The following CCDC81 variants were observed in gnomAD, a reference collection of about 807,000 sequenced individuals.
The protein encoded by CCDC81 is coiled-coil domain containing 81, also known as coiled-coil domain-containing protein 81.
In CCDC81, 79 loss-of-function variants were observed where a neutral mutation model predicts 83.7. The ratio of observed to expected loss-of-function variants is 0.94; its 90% CI spans 0.79 to 1.14. The LOEUF is 1.14. Ranked by LOEUF, CCDC81 falls within the 50% of genes most tolerant of loss-of-function variation. The probability of loss-of-function intolerance (pLI) is 0.00; values close to 1 mark genes in which losing one functional copy is unlikely to be tolerated. For synonymous variants in CCDC81, 252 were observed against 278.1 expected (o/e 0.91, Z 0.93); for missense variants, 791 against 778.1 (o/e 1.02, Z -0.20).
In CCDC81 at chr11:86,415,143, G is replaced by C. The variant is rs773100251; in HGVS notation, c.1521G>C (p.Glu507Asp). Residue 507 changes from glutamate (E) to aspartate (D), a missense_variant, in exon 13 of 15, where the codon GAG (glutamate) becomes GAC (aspartate). Coordinates refer to ENST00000445632, the MANE Select transcript of CCDC81 (RefSeq NM_001156474.2). ...RLPPFEPDSS[E>D]PIFGKNEGEL... is the part of the protein sequence containing the mutation. The stretch of plus-strand genomic sequence containing the variant: ...CCCCCTTTGAGCCAGACTCCTCTGA[G>C]CCCATCTTTGGTAAGAATGAGGGTG... 28 of 1,614,070 alleles carry C rather than the reference G, an allele frequency of 1.7e-5. No individual in the cohort carries two copies. The highest frequency in any genetic ancestry group is 2.3e-5 in the Non-Finnish European group (27 of 1,180,040).
At position 86,408,144 on chromosome 11, in the gene CCDC81, T is replaced by C. The variant is rs769859538; in HGVS notation, c.987T>C (p.Cys329=). The C allele has an allele frequency of 1.9e-5, 31 of 1,612,380 alleles. No individual in the cohort carries two copies. The highest frequency in any genetic ancestry group is 2.5e-5 in the Non-Finnish European group (30 of 1,179,728). ...NKAGQEMCYV[C]LQRAQRNSLL... is the part of the protein sequence containing the mutation. ...GATTGTAGGAAATGTGCTATGTATG[T>C]TTGCAACGAGCACAACGAAATTCCC... The change falls in exon 9 of 15, where the codon TGT becomes TGC. Residue 329 remains cysteine (C), a synonymous_variant. Coordinates refer to ENST00000445632, the MANE Select transcript of CCDC81 (RefSeq NM_001156474.2).
At chr11:86,392,867 T>A in intron 4 of CCDC81, 70 bp downstream of exon 4, 1 of 1,463,488 alleles carries the variant, frequency 6.8e-7, no homozygotes, top group East Asian at 2.5e-5. Context: ...AGGTGTGTTG[T>A]AATTAAGAAA....
At chr11:86,378,201 G>C (rs1350865425) in intron 1 of CCDC81, among the ~76,000 whole-genome samples, 1 of 151,678 alleles carries the variant, frequency 6.6e-6, no homozygotes, top group Admixed American at 6.6e-5. Flanking sequence ...CTTGAAGTTG[G>C]GTAGTGACAG....
At chr11:86,415,456 G>A (rs1365515805) in intron 13 of CCDC81, 143 bp downstream of exon 13, 12 of 650,988 alleles carry the variant, frequency 1.8e-5, no homozygotes, top group Non-Finnish European at 2.7e-5. Flanking sequence ...ACACTGAGGA[G>A]TTATTTGTGC....
chr11:86,420,634 T>C (rs189916327), intron 14 of CCDC81, among the ~76,000 whole-genome samples: 260 of 152,362 alleles, frequency 1.7e-3, no homozygotes, highest in South Asian at 4.6e-3. Context: ...ATCAAGTCTA[T>C]ACAATCAAGT....
chr11:86,397,426 T>C (rs1461361543), intron 5 of CCDC81, among the ~76,000 whole-genome samples, 195 bp from the exon 6 acceptor site: 2 of 152,150 alleles, frequency 1.3e-5, no homozygotes, highest in Non-Finnish European at 2.9e-5. Flanking sequence ...GGGAAAGGCC[T>C]TGGTCAGCTT....
rs1195885201 is a variant in CCDC81 at position 86,408,199 on chromosome 11, G to A, written c.1042G>A (p.Glu348Lys). 1.9e-6 allele frequency: 3 copies of A among 1,613,898 alleles called. No individual in the cohort carries two copies. In the African/African-American group the frequency reaches 4.0e-5, roughly 22 times the overall value. ...LLYYSEERRR[E>K]IEDERLIQQY... ...GTACTACAGTGAGGAAAGGAGGAGA[G>A]AGATAGAAGATGAGAGACTCATACA... The change falls in exon 9 of 15, where the codon GAG becomes AAG. Residue 348 changes from glutamate (E) to lysine (K), a missense_variant. Coordinates refer to ENST00000445632, the MANE Select transcript of CCDC81 (RefSeq NM_001156474.2).
intron 7 of CCDC81, among the ~76,000 whole-genome samples, chr11:86,404,943 C>A (rs898221756): frequency 7.9e-5 from 12 of 152,128 alleles, no homozygotes. Context: ...TTGTAATTTG[C>A]TGAACCTTCT....
chr11:86,406,439 T>G (rs1351225597), intron 7 of CCDC81, among the ~76,000 whole-genome samples: 1 of 152,214 alleles, frequency 6.6e-6, no homozygotes, highest in African/African-American at 2.4e-5. Flanking sequence ...TTTCCTTTAT[T>G]CTAAAAATTC....
At chr11:86,375,313 G>A in intron 1 of CCDC81, 71 bp downstream of exon 1, 3 of 1,361,486 alleles carry the variant, frequency 2.2e-6, no homozygotes, top group East Asian at 4.6e-5. Flanking sequence ...GAGGCGGGGG[G>A]ACCCACTTCC....
At chr11:86,379,756 C>T (rs181591211) in intron 1 of CCDC81, among the ~76,000 whole-genome samples, 5 of 152,224 alleles carry the variant, frequency 3.3e-5, no homozygotes, top group South Asian at 4.2e-4. Flanking sequence ...GTGGGAGAAT[C>T]GCTGGAGTCC....
At chr11:86,409,639 C>G (rs927017751) in intron 10 of CCDC81, among the ~76,000 whole-genome samples, 2 of 152,116 alleles carry the variant, frequency 1.3e-5, no homozygotes, top group Non-Finnish European at 2.9e-5. Flanking sequence ...TTAGTAGAGA[C>G]AGGGTTTCGC....
chr11:86,378,222 T>G (rs1189946730), intron 1 of CCDC81, among the ~76,000 whole-genome samples: 1 of 152,186 alleles, frequency 6.6e-6, no homozygotes, highest in Non-Finnish European at 1.5e-5. Context: ...TCCTCTGACT[T>G]GTCCCATGTG....
chr11:86,396,301 T>A (rs1038113937), intron 5 of CCDC81, among the ~76,000 whole-genome samples: 1 of 152,238 alleles, frequency 6.6e-6, no homozygotes, highest in Non-Finnish European at 1.5e-5. Context: ...TTTACATGAA[T>A]GAAGCAACAT....
At position 86,397,892 on chromosome 11, in the gene CCDC81, C is replaced by A. The variant is rs187232711; in HGVS notation, c.757+150C>A. On this transcript the variant is annotated intron_variant, in intron 6 of 14. Coordinates refer to ENST00000445632, the MANE Select transcript of CCDC81 (RefSeq NM_001156474.2). ...TTTGAGATGGAGTCTCGCTGTTGCC[C>A]AGGCTGTAGTGCAGTGGCATAATCT... The A allele has an allele frequency of 1.3e-4, 114 of 880,342 alleles. No homozygotes were observed. In the African/African-American group the frequency reaches 1.8e-3, roughly 14 times the overall value. The allele number at this position is 880,342 out of a possible 1,614,324, so 54.5% of individuals were successfully genotyped here.
intron 3 of CCDC81, among the ~76,000 whole-genome samples, chr11:86,389,864 C>T (rs1056773612): frequency 2.0e-5 from 3 of 152,060 alleles, no homozygotes; most frequent in East Asian, 1.9e-4. Context: ...CCAGCACTTT[C>T]GGAGGCTGAG....
At chr11:86,385,099 T>C (rs936954821) in intron 1 of CCDC81, among the ~76,000 whole-genome samples, 11 of 152,144 alleles carry the variant, frequency 7.2e-5, no homozygotes, top group Non-Finnish European at 1.3e-4. Context: ...AAAAAATTAT[T>C]ATTTGAGGCT....
intron 1 of CCDC81, 71 bp from the exon 2 acceptor site, chr11:86,385,980 A>T: frequency 1.4e-6 from 1 of 721,182 alleles, no homozygotes; most frequent in Non-Finnish European, 2.4e-6. Context: ...ATTTTTATTT[A>T]TTAGCACTAA....
chr11:86,410,255 T>A (rs292095), intron 10 of CCDC81, among the ~76,000 whole-genome samples: 1,676 of 152,352 alleles, frequency 0.011, 78 homozygotes, highest in Admixed American at 0.086. Flanking sequence ...GACATAAATC[T>A]AATAAATTAT....
Sources: gnomAD v4.1 joint callset for allele counts (sites outside exome capture counted in the v4.1 genomes callset) on GRCh38, gnomAD v4.1.1 for gene constraint, MANE v1.5 for transcripts, NCBI Gene and HGNC (gene_info 2026-07-23, HGNC 2026-07-21) for gene names.